The following LRRIQ3 variants were observed in gnomAD, a reference collection of about 807,000 sequenced individuals.
LRRIQ3 encodes leucine rich repeats and IQ motif containing 3.
LRRIQ3 carries 75 observed loss-of-function variants against 59.3 expected under a neutral mutation model. That is an observed-to-expected ratio of 1.26 (90% CI 1.05 to 1.53). The LOEUF is 1.53. LRRIQ3 is among the 40% of genes most tolerant of loss of function. The pLI is 0.00. For synonymous variants in LRRIQ3, 250 were observed against 231.3 expected, an observed-to-expected ratio of 1.08 and a Z score of -0.73; for missense variants, 831 against 710.0, an observed-to-expected ratio of 1.17 and a Z score of -1.94.
chr1:74,178,725 A>T (rs528915888), intron 3 of LRRIQ3, among the ~76,000 whole-genome samples: 154 of 152,316 alleles, frequency 1.0e-3, no homozygotes, highest in Admixed American at 3.4e-3. Flanking sequence ...TCATCAAACC[A>T]GATTCCATTC....
chr1:74,072,702 T>A (rs1433648020), intron 6 of LRRIQ3, among the ~76,000 whole-genome samples: 2 of 151,916 alleles, frequency 1.3e-5, no homozygotes. Context: ...TGTAGCCTAG[T>A]TGGAAGTAGG....
intron 7 of LRRIQ3, among the ~76,000 whole-genome samples, chr1:74,029,664 T>G (rs938925250): frequency 6.6e-6 from 1 of 152,056 alleles, no homozygotes; most frequent in Non-Finnish European, 1.5e-5. Context: ...ATTCTCTTTT[T>G]TGTGTGTGTC....
chr1:74,031,433 C>CA (rs1557584920), intron 7 of LRRIQ3, among the ~76,000 whole-genome samples: 1 of 151,800 alleles, frequency 6.6e-6, no homozygotes, highest in African/African-American at 2.4e-5. Context: ...TATGCAGCCA[C>CA]AAAAAATGAT....
chr1:74,155,250 A>C (rs1400017494), intron 4 of LRRIQ3, among the ~76,000 whole-genome samples: 1 of 152,216 alleles, frequency 6.6e-6, no homozygotes, highest in Non-Finnish European at 1.5e-5. Context: ...ATCCTATCAT[A>C]TCTCTGCAAG....
intron 6 of LRRIQ3, among the ~76,000 whole-genome samples, chr1:74,072,082 T>C (rs1275335159): frequency 2.6e-5 from 4 of 152,098 alleles, no homozygotes; most frequent in Admixed American, 6.6e-5. Flanking sequence ...CTTTTAAGGG[T>C]AGTTTGATTA....
intron 7 of LRRIQ3, among the ~76,000 whole-genome samples, chr1:74,027,455 G>T (rs1653550688): frequency 6.6e-6 from 1 of 152,054 alleles, no homozygotes; most frequent in African/African-American, 2.4e-5. Context: ...ATAAGAAGAG[G>T]AAGCAAGAGC....
intron 4 of LRRIQ3, among the ~76,000 whole-genome samples, chr1:74,123,369 T>C (rs925682368): frequency 2.0e-5 from 3 of 152,044 alleles, no homozygotes; most frequent in African/African-American, 7.2e-5. Context: ...ATAGTCACTC[T>C]GGTGTGCTAT....
At chr1:74,145,909 A>G (rs993996592) in intron 4 of LRRIQ3, among the ~76,000 whole-genome samples, 1 of 152,148 alleles carries the variant, frequency 6.6e-6, no homozygotes, top group African/African-American at 2.4e-5. Flanking sequence ...ATACAGTTAT[A>G]TGCCATATAA....
At chr1:74,150,207 G>C (rs914373802) in intron 4 of LRRIQ3, among the ~76,000 whole-genome samples, 6 of 152,060 alleles carry the variant, frequency 3.9e-5, no homozygotes, top group African/African-American at 1.4e-4. Context: ...AAATTAGAAA[G>C]GTAGATTGAA....
intron 6 of LRRIQ3, among the ~76,000 whole-genome samples, chr1:74,045,923 G>T (rs571642854): frequency 1.3e-5 from 2 of 152,154 alleles, no homozygotes; most frequent in East Asian, 3.9e-4. Context: ...CCTCTTCAAG[G>T]AGAACTACAA....
At chr1:74,139,234 A>G (rs1394558753) in intron 4 of LRRIQ3, among the ~76,000 whole-genome samples, 1 of 149,210 alleles carries the variant, frequency 6.7e-6, no homozygotes, top group Non-Finnish European at 1.5e-5. Context: ...AATAAAATGT[A>G]TAATTTGACT....
chr1:74,182,788 C>T lies in LRRIQ3; in HGVS notation c.323G>A (p.Gly108Glu). ...ACATATATTCTTTAACTTTGCAAACCCATTGTCATGAAGATAGAGTAGTTT... is the reference window on the plus strand; with the variant it reads ...ACATATATTCTTTAACTTTGCAAACTCATTGTCATGAAGATAGAGTAGTTT... The part of the protein sequence containing the change: ...NLKLLYLHDN[G>E]FAKLKNICVL... Residue 108 changes from glycine (G) to glutamate (E), a missense_variant, in exon 3 of 8, where the codon GGG becomes GAG. Transcript: ENST00000354431. 1 of 1,609,408 alleles carries T rather than the reference C, an allele frequency of 6.2e-7. No individual in the cohort carries two copies. The highest frequency in any genetic ancestry group is 1.1e-5 in the South Asian group (1 of 90,464).
chr1:74,187,046 C>T (rs1462570139), intron 1 of LRRIQ3, among the ~76,000 whole-genome samples: 3 of 151,842 alleles, frequency 2.0e-5, no homozygotes, highest in South Asian at 2.1e-4. Context: ...TAGATGCTGT[C>T]GTGGATGTGG....
chr1:74,041,327 A>G lies in LRRIQ3; in HGVS notation c.1604T>C (p.Ile535Thr). 6.2e-7 allele frequency: 1 copy of G among 1,613,758 alleles called. No individual in the cohort carries two copies. Among genetic ancestry groups the G allele is most frequent in the Non-Finnish European group, 8.5e-7 (1 of 1,179,856 alleles). ...RTLLTRGLLK[I>T]DRLEKNEAVL... is the part of the protein sequence containing the mutation. ...AGCCTCATTCTTCTCCAGTCTGTCA[A>G]TTTTAAGTAGTCCTCTGGTCAAAAG... Residue 535 changes from isoleucine (I) to threonine (T), a missense_variant, in exon 7 of 8, where the codon ATT (isoleucine) becomes ACT (threonine). Physicochemically the swap from Ile to Thr is moderately conservative, Grantham distance 89 (BLOSUM62 -1). Transcript: ENST00000354431.
chr1:74,157,453 C>G (rs1333823485), intron 3 of LRRIQ3, among the ~76,000 whole-genome samples: 1 of 152,046 alleles, frequency 6.6e-6, no homozygotes, highest in Non-Finnish European at 1.5e-5. Context: ...ATAACTTTAC[C>G]TATCCTTAAA....
At chr1:74,075,469 A>G (rs1409712324) in intron 5 of LRRIQ3, among the ~76,000 whole-genome samples, 1 of 152,086 alleles carries the variant, frequency 6.6e-6, no homozygotes, top group Non-Finnish European at 1.5e-5. Flanking sequence ...CAGGAGGCCA[A>G]GGCAGGAGGA....
At chr1:74,157,074 A>T (rs1648377608) in intron 3 of LRRIQ3, among the ~76,000 whole-genome samples, 1 of 152,134 alleles carries the variant, frequency 6.6e-6, no homozygotes, top group South Asian at 2.1e-4. Context: ...ATACTTTCAA[A>T]CACTCATTGC....
chr1:74,142,593 G>A (rs1004893988), intron 4 of LRRIQ3, among the ~76,000 whole-genome samples: 1 of 151,926 alleles, frequency 6.6e-6, no homozygotes, highest in Non-Finnish European at 1.5e-5. Context: ...TTAAATTTCA[G>A]TGTCATATAT....
intron 5 of LRRIQ3, among the ~76,000 whole-genome samples, chr1:74,089,505 T>C (rs982954571): frequency 4.6e-5 from 7 of 152,092 alleles, no homozygotes; most frequent in African/African-American, 7.2e-5. Flanking sequence ...TACAACATGT[T>C]TGACATGAGA....
Sources: allele counts gnomAD v4.1 joint callset (sites outside exome capture counted in the v4.1 genomes callset), GRCh38; gene constraint gnomAD v4.1.1; transcripts MANE v1.5; gene names NCBI Gene and HGNC (gene_info 2026-07-23, HGNC 2026-07-21).